The following PLOD2 variants were observed in gnomAD, a reference collection of about 807,000 sequenced individuals.
PLOD2 encodes procollagen-lysine,2-oxoglutarate 5-dioxygenase 2.
In PLOD2, 65 loss-of-function variants were observed where a neutral mutation model predicts 101.0. The ratio of observed to expected loss-of-function variants is 0.64; its 90% CI spans 0.53 to 0.79. The LOEUF (loss-of-function observed/expected upper bound fraction) is 0.79. PLOD2 is among the 30% of genes least tolerant of loss of function. The pLI is 0.00. For missense variants in PLOD2, 909 were observed against 914.6 expected (o/e 0.99, Z 0.08); for synonymous variants, 314 against 302.9 (o/e 1.04, Z -0.38).
intron 11 of PLOD2, among the ~76,000 whole-genome samples, 153 bp downstream of exon 11, chr3:146,085,016 T>C (rs1489813896): frequency 2.0e-5 from 3 of 152,100 alleles, no homozygotes; most frequent in African/African-American, 7.2e-5. Flanking sequence ...CTCCTTTAAA[T>C]GAAAAATAAT....
chr3:146,077,771 A>AGTGC, intron 14 of PLOD2, 91 bp downstream of exon 14: 1 of 720,766 alleles, frequency 1.4e-6, no homozygotes, highest in South Asian at 1.7e-5. Context: ...GCTAAATGCA[A>AGTGC]ATAAGGCCCT....
At chr3:146,127,997 G>A (rs1559863561) in intron 1 of PLOD2, among the ~76,000 whole-genome samples, 2 of 152,238 alleles carry the variant, frequency 1.3e-5, no homozygotes, top group Admixed American at 6.5e-5. Context: ...TATAAAGACA[G>A]AGTACAACTT....
At chr3:146,112,158 A>C (rs1937665577) in intron 3 of PLOD2, among the ~76,000 whole-genome samples, 1 of 152,180 alleles carries the variant, frequency 6.6e-6, no homozygotes, top group Non-Finnish European at 1.5e-5. Context: ...GTATAAACCC[A>C]AACAATTACA....
At chr3:146,158,290 G>A (rs1028648643) in intron 1 of PLOD2, among the ~76,000 whole-genome samples, 3 of 152,076 alleles carry the variant, frequency 2.0e-5, no homozygotes, top group East Asian at 1.9e-4. Flanking sequence ...ATTCCTATAC[G>A]TTATTTTCAG....
intron 1 of PLOD2, among the ~76,000 whole-genome samples, chr3:146,147,982 AT>A (rs1279020721): frequency 6.6e-6 from 1 of 152,078 alleles, no homozygotes; most frequent in African/African-American, 2.4e-5. Flanking sequence ...AAAGATTCTG[AT>A]TTTTAAGTAA....
In PLOD2 at chr3:146,075,654, T is replaced by C. The variant is rs534018758; in HGVS notation, c.1677+1128A>G. 2.0e-5 allele frequency among the ~76,000 whole-genome samples: 3 copies of C among 151,834 alleles called. No individual in the cohort carries two copies. In the South Asian group the frequency reaches 6.2e-4, roughly 31 times the overall value. On this transcript the variant is annotated intron_variant, in intron 15 of 19. Coordinates refer to ENST00000282903, the MANE Select transcript of PLOD2 (RefSeq NM_182943.3). ...AAAAAATAATTTTAAAAAATGTATT[T>C]TCCTAAACAAAACTTTTTGAATTTT...
intron 4 of PLOD2, among the ~76,000 whole-genome samples, chr3:146,107,635 T>A: frequency 8.0e-6 from 1 of 124,512 alleles, no homozygotes; most frequent in South Asian, 2.9e-4. Flanking sequence ...TTTTTTTTTT[T>A]TTTTTTTTTT....
intron 9 of PLOD2, 67 bp downstream of exon 9, chr3:146,088,517 AAT>A: frequency 3.6e-6 from 4 of 1,102,048 alleles, no homozygotes; most frequent in Non-Finnish European, 1.4e-6. Flanking sequence ...ATTTGACATA[AAT>A]AACAAATAGT....
intron 13 of PLOD2, 140 bp from the exon 14 acceptor site, chr3:146,078,064 C>G (rs567324289): frequency 2.8e-6 from 2 of 710,206 alleles, no homozygotes; most frequent in Non-Finnish European, 5.1e-6. Context: ...GCAGAACAAG[C>G]AAAGCTTATA....
At chr3:146,127,433 G>A (rs185941422) in intron 1 of PLOD2, among the ~76,000 whole-genome samples, 12 of 152,048 alleles carry the variant, frequency 7.9e-5, no homozygotes, top group African/African-American at 1.9e-4. Flanking sequence ...CGTGGCATTC[G>A]GTTTTCCAAG....
chr3:146,142,989 A>C (rs2031597870), intron 1 of PLOD2, among the ~76,000 whole-genome samples: 1 of 152,054 alleles, frequency 6.6e-6, no homozygotes, highest in African/African-American at 2.4e-5. Flanking sequence ...TAAACTGAAA[A>C]ATCTGCTTCA....
chr3:146,117,513 T>A (rs988785151), intron 3 of PLOD2, among the ~76,000 whole-genome samples: 1 of 152,168 alleles, frequency 6.6e-6, no homozygotes, highest in African/African-American at 2.4e-5. Context: ...AAATTTCTTA[T>A]GTGGCTTCAA....
At chr3:146,086,998 C>T (rs1187444257) in intron 9 of PLOD2, 90 bp from the exon 10 acceptor site, 6 of 674,822 alleles carry the variant, frequency 8.9e-6, no homozygotes, top group Non-Finnish European at 1.5e-5. Context: ...CATTCAAGGT[C>T]ATGAATTCTA....
chr3:146,119,158 C>A (rs1938063612), intron 3 of PLOD2, among the ~76,000 whole-genome samples: 2 of 152,052 alleles, frequency 1.3e-5, no homozygotes, highest in Non-Finnish European at 2.9e-5. Flanking sequence ...TTATAGAGTT[C>A]TCATGAGATC....
chr3:146,110,158 T>C lies in PLOD2; in HGVS notation c.502+127A>G. ...ACATAATACATGGGAAAATGCTTTG[T>C]CAATATACTAATAATAAAATAAGGG... On this transcript the variant is annotated intron_variant, in intron 4 of 19. Transcript: ENST00000282903. 2 of 798,328 alleles carry C rather than the reference T, an allele frequency of 2.5e-6. 1 individual carries two copies. Among genetic ancestry groups the C allele is most frequent in the Non-Finnish European group, 4.2e-6 (2 of 478,032 alleles). The allele number at this position is 798,328 out of a possible 1,614,324, so 49.5% of individuals were successfully genotyped here.
rs1936499190 is a variant in PLOD2, at chr3:146,080,501, T to TATACTGGGGAATTA, written c.1358+1236_1358+1237insTAATTCCCCAGTAT. Among the ~76,000 whole-genome samples the TATACTGGGGAATTA allele has an allele frequency of 2.0e-5, 3 of 151,486 alleles. No homozygotes were observed. The Admixed American group carries it at 2.0e-4, about 10-fold the overall frequency. On this transcript the variant is annotated intron_variant, in intron 12 of 19. Transcript: ENST00000282903. Reference sequence around the variant, plus strand: ...TTAATCTCTGGGGAATTATTCAGTGTTTCAACTTATACACACACACATACA... The same window carrying TATACTGGGGAATTA: ...TTAATCTCTGGGGAATTATTCAGTGTATACTGGGGAATTATTCAACTTATACACACACACATACA...
Position 146,079,192 on chromosome 3 carries a change from T to C in PLOD2, c.1424A>G (p.Glu475Gly). The change falls in exon 13 of 20, where the codon GAG becomes GGG. Residue 475 changes from glutamate (E) to glycine (G), a missense_variant. Coordinates refer to ENST00000282903, the MANE Select transcript of PLOD2 (RefSeq NM_182943.3). ...YLIKGKTLRS[E>G]MNERNYFVRD... is the part of the protein sequence containing the mutation. Reference sequence around the variant, plus strand: ...AACAAAATAGTTCCTTTCATTCATCTCTGATCGGAGTGTCTTTCCTTTAAT... The same window carrying C: ...AACAAAATAGTTCCTTTCATTCATCCCTGATCGGAGTGTCTTTCCTTTAAT... 6.2e-7 allele frequency: 1 copy of C among 1,611,262 alleles called. No individual in the cohort carries two copies. The highest frequency in any genetic ancestry group is 8.5e-7 in the Non-Finnish European group (1 of 1,177,522).
At chr3:146,126,511 C>T (rs1274874967) in intron 1 of PLOD2, among the ~76,000 whole-genome samples, 1 of 151,552 alleles carries the variant, frequency 6.6e-6, no homozygotes, top group African/African-American at 2.4e-5. Flanking sequence ...TACAAATTTA[C>T]CAGAAATAAA....
rs537599564 is a variant in PLOD2, at chr3:146,095,773, C to A, written c.778-3872G>T. 5.9e-5 allele frequency among the ~76,000 whole-genome samples: 9 copies of A among 152,164 alleles called. No homozygotes were observed. The South Asian group carries it at 1.9e-3, about 32-fold the overall frequency. On this transcript the variant is annotated intron_variant, in intron 7 of 19. Transcript: ENST00000282903. ...ATATGCACATGTATGTTTATTGCAGCACTATTTACAATAGCAAAGACTTGG... is the reference window on the plus strand; with the variant it reads ...ATATGCACATGTATGTTTATTGCAGAACTATTTACAATAGCAAAGACTTGG...
Sources: allele counts gnomAD v4.1 joint callset (sites outside exome capture counted in the v4.1 genomes callset), GRCh38; gene constraint gnomAD v4.1.1; transcripts MANE v1.5; gene names NCBI Gene and HGNC (gene_info 2026-07-23, HGNC 2026-07-21).